FSTL4: variants seen among roughly 807,000 people sequenced by gnomAD.
The protein encoded by FSTL4 is follistatin like 4.
A neutral mutation model predicts 78.2 loss-of-function variants in FSTL4; 28 were observed. The ratio of observed to expected loss-of-function variants is 0.36; its 90% CI spans 0.27 to 0.49. FSTL4 has a LOEUF of 0.49. FSTL4 is among the 20% of genes least tolerant of loss of function. The pLI is 0.98. For synonymous variants in FSTL4, 422 were observed against 440.5 expected, an observed-to-expected ratio of 0.96 and a Z score of 0.53; for missense variants, 922 against 1,084.9, an observed-to-expected ratio of 0.85 and a Z score of 2.11.
chr5:133,808,850 C>A, the FSTL4 span, among the ~76,000 whole-genome samples: 1 of 147,752 alleles, frequency 6.8e-6, no homozygotes, highest in Non-Finnish European at 1.5e-5. Flanking sequence ...ACTCACTCCC[C>A]GCCCCCCGCC....
At chr5:133,722,700 A>T in the FSTL4 span, among the ~76,000 whole-genome samples, 1 of 152,108 alleles carries the variant, frequency 6.6e-6, no homozygotes, top group African/African-American at 2.4e-5. Context: ...AGGTGTCTCC[A>T]CATCTGGTGG....
the FSTL4 span, among the ~76,000 whole-genome samples, chr5:133,740,933 C>CTGGATGGA: frequency 2.9e-3 from 429 of 148,956 alleles, 2 homozygotes; most frequent in African/African-American, 9.7e-3. Flanking sequence ...AAGTCAGCCT[C>CTGGATGGA]TGGATGGATG....
chr5:133,372,880 C>T (rs537476570), intron 4 of FSTL4, among the ~76,000 whole-genome samples: 1 of 152,306 alleles, frequency 6.6e-6, no homozygotes, highest in South Asian at 2.1e-4. Flanking sequence ...TTGTAACAGG[C>T]TTCTTCATGT....
chr5:133,675,654 C>T, the FSTL4 span, among the ~76,000 whole-genome samples: 35 of 152,356 alleles, frequency 2.3e-4, no homozygotes, highest in East Asian at 9.6e-4. Flanking sequence ...CACATGAGGG[C>T]TTTCTGCCAA....
At chr5:133,675,646 C>T in the FSTL4 span, among the ~76,000 whole-genome samples, 1 of 152,230 alleles carries the variant, frequency 6.6e-6, no homozygotes, top group South Asian at 2.1e-4. Context: ...GACTGGGTCA[C>T]ATGAGGGCTT....
the FSTL4 span, among the ~76,000 whole-genome samples, chr5:133,749,319 G>A: frequency 1.8e-4 from 28 of 152,170 alleles, no homozygotes; most frequent in Non-Finnish European, 3.2e-4. Context: ...ACTTCTGAGT[G>A]ACCAGGCTTC....
chr5:133,266,602 C>T (rs1042169688), intron 6 of FSTL4: 1 of 152,304 alleles, frequency 6.6e-6, no homozygotes, highest in East Asian at 1.9e-4. Flanking sequence ...ATGCCTCTGT[C>T]CCTCTGTGAG....
chr5:133,504,686 G>C (rs937508906), intron 3 of FSTL4, among the ~76,000 whole-genome samples: 9 of 152,132 alleles, frequency 5.9e-5, no homozygotes, highest in African/African-American at 2.2e-4. Context: ...AGCTCCCAGA[G>C]CTCTCGTCTT....
chr5:133,710,146 T>A, the FSTL4 span, among the ~76,000 whole-genome samples: 1 of 152,202 alleles, frequency 6.6e-6, no homozygotes, highest in South Asian at 2.1e-4. Flanking sequence ...GCCCTGGACA[T>A]GAGCCATCAG....
chr5:133,521,853 A>G (rs1758988204), intron 3 of FSTL4, among the ~76,000 whole-genome samples: 1 of 152,172 alleles, frequency 6.6e-6, no homozygotes, highest in African/African-American at 2.4e-5. Context: ...TGTTTTCACC[A>G]CAAAGGGGCT....
chr5:133,230,155 G>A (rs1271370224), intron 8 of FSTL4, among the ~76,000 whole-genome samples: 1 of 152,206 alleles, frequency 6.6e-6, no homozygotes, highest in Non-Finnish European at 1.5e-5. Context: ...ACCAGGGCTG[G>A]ACACTGGCCT....
chr5:133,460,800 T>G (rs1257819161), intron 3 of FSTL4, among the ~76,000 whole-genome samples: 1 of 152,244 alleles, frequency 6.6e-6, no homozygotes, highest in East Asian at 1.9e-4. Context: ...GGGCTTGAAT[T>G]GAGCTCTGGC....
At chr5:133,540,409 T>A (rs980623075) in intron 3 of FSTL4, among the ~76,000 whole-genome samples, 12 of 152,210 alleles carry the variant, frequency 7.9e-5, no homozygotes, top group African/African-American at 2.9e-4. Flanking sequence ...ACAATGCTCT[T>A]AAGATGCTAG....
At chr5:133,354,729 G>A (rs1754906404) in intron 4 of FSTL4, among the ~76,000 whole-genome samples, 1 of 152,200 alleles carries the variant, frequency 6.6e-6, no homozygotes, top group African/African-American at 2.4e-5. Flanking sequence ...CTAGCTGATG[G>A]CCTTGAGACA....
At chr5:133,332,400 G>A (rs1754370003) in intron 4 of FSTL4, among the ~76,000 whole-genome samples, 1 of 152,210 alleles carries the variant, frequency 6.6e-6, no homozygotes, top group Non-Finnish European at 1.5e-5. Flanking sequence ...CAGATGCTTT[G>A]AGAGGTTCAG....
the FSTL4 span, among the ~76,000 whole-genome samples, chr5:133,635,088 C>A: frequency 6.7e-6 from 1 of 148,826 alleles, no homozygotes; most frequent in African/African-American, 2.5e-5. Context: ...AAAAAAAAAA[C>A]ATAGACACTA....
At chr5:133,535,513 A>G (rs1264195050) in intron 3 of FSTL4, among the ~76,000 whole-genome samples, 1 of 152,224 alleles carries the variant, frequency 6.6e-6, no homozygotes, top group East Asian at 1.9e-4. Flanking sequence ...GTTTCCCTTA[A>G]GGGATACTTT....
chr5:133,276,468 G>C (rs954428063), intron 6 of FSTL4, among the ~76,000 whole-genome samples: 1 of 152,186 alleles, frequency 6.6e-6, no homozygotes, highest in Non-Finnish European at 1.5e-5. Context: ...TTCTTGAAAA[G>C]TGTCCCTGAC....
the FSTL4 span, among the ~76,000 whole-genome samples, chr5:133,821,498 A>T: frequency 6.6e-6 from 1 of 152,190 alleles, no homozygotes; most frequent in Admixed American, 6.5e-5. Flanking sequence ...CCTTTTCCTT[A>T]CCAGAATAAT....
Sources: gnomAD v4.1 joint callset for allele counts (sites outside exome capture counted in the v4.1 genomes callset) on GRCh38, gnomAD v4.1.1 for gene constraint, MANE v1.5 for transcripts, NCBI Gene and HGNC (gene_info 2026-07-23, HGNC 2026-07-21) for gene names.